FGF9: variants seen among roughly 807,000 people sequenced by gnomAD.
FGF9 encodes the protein fibroblast growth factor 9, also known as fibroblast growth factor 9 (glia-activating factor).
A neutral mutation model predicts 19.9 loss-of-function variants in FGF9; 3 were observed. The observed-to-expected ratio is 0.15, with a 90% CI of 0.07 to 0.39. The LOEUF (loss-of-function observed/expected upper bound fraction) is 0.39, where lower values mean the gene tolerates loss of function less well. Ranked by LOEUF, FGF9 falls within the 10% of genes least tolerant of loss-of-function variation. The pLI is 1.00. For missense variants in FGF9, 175 were observed against 256.8 expected (o/e 0.68, Z 2.18); for synonymous variants, 107 against 106.9 (o/e 1.00, Z -0.01).
At chr13:21,675,408 C>A (rs893942483) in intron 1 of FGF9, among the ~76,000 whole-genome samples, 1 of 152,066 alleles carries the variant, frequency 6.6e-6, no homozygotes, top group African/African-American at 2.4e-5. Context: ...CTCCTACCCT[C>A]GCCTTCCCAG....
intron 2 of FGF9, among the ~76,000 whole-genome samples, chr13:21,697,381 A>G (rs1872432940): frequency 6.6e-6 from 1 of 152,062 alleles, no homozygotes; most frequent in Non-Finnish European, 1.5e-5. Flanking sequence ...CCCTGGCCTC[A>G]AGTGATATTT....
At position 21,671,117 on chromosome 13, in the gene FGF9, C is replaced by G. The variant is rs549054241; in HGVS notation, c.-796C>G. Among the ~76,000 whole-genome samples, 1 of 152,108 alleles carries G rather than the reference C, an allele frequency of 6.6e-6. No homozygotes were observed. The highest frequency in any genetic ancestry group is 2.4e-5 in the African/African-American group (1 of 41,440). On this transcript the variant is annotated 5_prime_UTR_variant, in exon 1 of 3. Transcript: ENST00000382353. ...GGGGCTGCGCAGGAGGAGCGCTCCG[C>G]CCGGCTACAACGCTCCGCGAGCCGG... is the stretch of plus-strand genomic sequence containing the variant.
rs541760490 is a variant in FGF9 at position 21,679,596 on chromosome 13, G to A, written c.278-1446G>A. Among the ~76,000 whole-genome samples, 194 of 152,028 alleles carry A rather than the reference G, an allele frequency of 1.3e-3. 1 individual carries two copies. The highest frequency in any genetic ancestry group is 4.5e-3 in the African/African-American group (185 of 41,468). On this transcript the variant is annotated intron_variant, in intron 1 of 2. Coordinates refer to ENST00000382353, the MANE Select transcript of FGF9 (RefSeq NM_002010.3). ...TAATGTAAGGTCTACATAAAATGTA[G>A]CACTTTAATTTACAATAAAAAGGAA...
chr13:21,695,111 T>A (rs901467315), intron 2 of FGF9, among the ~76,000 whole-genome samples: 7 of 151,196 alleles, frequency 4.6e-5, no homozygotes, highest in African/African-American at 1.7e-4. Flanking sequence ...TGTGTGTGTG[T>A]GTGTGAGAGA....
chr13:21,688,699 C>T (rs1872216171), intron 2 of FGF9, among the ~76,000 whole-genome samples: 1 of 151,104 alleles, frequency 6.6e-6, no homozygotes, highest in South Asian at 2.1e-4. Context: ...CTGGAATTAA[C>T]CATATAGTGG....
intron 2 of FGF9, among the ~76,000 whole-genome samples, chr13:21,699,865 T>G (rs1193391707): frequency 6.6e-6 from 1 of 152,232 alleles, no homozygotes; most frequent in African/African-American, 2.4e-5. Context: ...TCGTGTTTAC[T>G]GTTTTAAACA....
intron 2 of FGF9, among the ~76,000 whole-genome samples, chr13:21,693,699 G>T (rs893482361): frequency 6.6e-6 from 1 of 152,134 alleles, no homozygotes; most frequent in African/African-American, 2.4e-5. Context: ...AAGAGGATGC[G>T]GCAGGCCCCA....
rs561217521 is a variant in FGF9 at position 21,690,205 on chromosome 13, TTCCA to T, written c.381+9065_381+9068del. On this transcript the variant is annotated intron_variant, in intron 2 of 2. Transcript: ENST00000382353. ...CACTCGCTCACACACTCACACACTC[TTCCA>T]TCCACACATAACACGCTTACATGCT... 1.4e-4 allele frequency among the ~76,000 whole-genome samples: 21 copies of T among 152,166 alleles called. No homozygotes were observed. The East Asian group carries it at 3.7e-3, about 27-fold the overall frequency.
chr13:21,688,524 T>C (rs1396044778), intron 2 of FGF9, among the ~76,000 whole-genome samples: 1 of 152,216 alleles, frequency 6.6e-6, no homozygotes, highest in Non-Finnish European at 1.5e-5. Context: ...GGTGAGATTT[T>C]AGTGGCTTAG....
In FGF9 at chr13:21,681,843, C is replaced by T. The variant is rs1233813497; in HGVS notation, c.381+698C>T. 2.0e-5 allele frequency among the ~76,000 whole-genome samples: 3 copies of T among 152,272 alleles called. No individual in the cohort carries two copies. The East Asian group carries it at 5.8e-4, about 29-fold the overall frequency. On this transcript the variant is annotated intron_variant, in intron 2 of 2. Transcript: ENST00000382353. ...AACTTTCCATCATGGTATCACTTTA[C>T]TCCTATTAATGCAGTACCTAAAACA...
At chr13:21,695,089 T>C (rs1017486187) in intron 2 of FGF9, among the ~76,000 whole-genome samples, 55 of 147,160 alleles carry the variant, frequency 3.7e-4, no homozygotes, top group African/African-American at 1.4e-3. Flanking sequence ...TGTGCGTGTG[T>C]GTGTGTGTGT....
intron 2 of FGF9, among the ~76,000 whole-genome samples, chr13:21,699,018 T>G (rs1222375592): frequency 6.6e-6 from 1 of 152,244 alleles, no homozygotes; most frequent in African/African-American, 2.4e-5. Context: ...AGGACTAAAA[T>G]AGCCATTAAT....
intron 1 of FGF9, among the ~76,000 whole-genome samples, chr13:21,680,433 C>T (rs994745650): frequency 6.6e-6 from 1 of 151,246 alleles, no homozygotes; most frequent in Non-Finnish European, 1.5e-5. Flanking sequence ...TTTTGAGAGA[C>T]TATTCTCTAA....
intron 1 of FGF9, among the ~76,000 whole-genome samples, chr13:21,675,385 G>C (rs1202400135): frequency 2.0e-5 from 3 of 152,038 alleles, no homozygotes; most frequent in Non-Finnish European, 4.4e-5. Context: ...GCGGTGGTGC[G>C]TGTGCCGGGA....
chr13:21,674,722 T>C (rs1008587600), intron 1 of FGF9, among the ~76,000 whole-genome samples: 21 of 151,446 alleles, frequency 1.4e-4, no homozygotes, highest in Non-Finnish European at 2.7e-4. Context: ...TTTTTTTTGA[T>C]GCAGTCACCT....
In FGF9 at chr13:21,701,737, G is replaced by GTA. The variant is rs1872551724; in HGVS notation, c.*303_*304insAT. On this transcript the variant is annotated 3_prime_UTR_variant, in exon 3 of 3. Transcript: ENST00000382353. ...TGTGTGTGTGTGTGTGTGTGTGTGT[G>GTA]TGTATGTGTGTAGCGGGAGATGTGG... 1 of 366,680 alleles carries GTA rather than the reference G, an allele frequency of 2.7e-6. No homozygotes were observed. The highest frequency in any genetic ancestry group is 5.2e-6 in the Non-Finnish European group (1 of 192,974). 22.7% of individuals were successfully genotyped at this position (366,680 alleles called of 1,614,324 possible).
At chr13:21,677,909 G>A (rs1462708864) in intron 1 of FGF9, among the ~76,000 whole-genome samples, 1 of 152,128 alleles carries the variant, frequency 6.6e-6, no homozygotes, top group Non-Finnish European at 1.5e-5. Flanking sequence ...TTCTTGGGAA[G>A]CCTCTGACTT....
chr13:21,686,087 C>T (rs1872149432), intron 2 of FGF9, among the ~76,000 whole-genome samples: 1 of 152,166 alleles, frequency 6.6e-6, no homozygotes, highest in Non-Finnish European at 1.5e-5. Context: ...TGGAGTCTTA[C>T]TCTGTCACCC....
At chr13:21,698,422 T>G (rs17070669) in intron 2 of FGF9, among the ~76,000 whole-genome samples, 83 of 152,334 alleles carry the variant, frequency 5.4e-4, no homozygotes, top group African/African-American at 1.9e-3. Context: ...TCAGCACTGC[T>G]CTCTGATTGG....
Sources: gnomAD v4.1 joint callset for allele counts (sites outside exome capture counted in the v4.1 genomes callset) on GRCh38, gnomAD v4.1.1 for gene constraint, MANE v1.5 for transcripts, NCBI Gene and HGNC (gene_info 2026-07-23, HGNC 2026-07-21) for gene names.